Variants in TFIP11 observed in about 807,000 individuals in gnomAD.
TFIP11 encodes tuftelin-interacting protein 11.
In TFIP11, 86 loss-of-function variants were observed where a neutral mutation model predicts 96.8. That is an observed-to-expected ratio of 0.89 (90% CI 0.75 to 1.06). TFIP11 has a LOEUF of 1.06. Ranked by LOEUF, TFIP11 falls within the 50% of genes least tolerant of loss-of-function variation. The pLI, the probability that TFIP11 is intolerant of heterozygous loss-of-function variation, is 0.00. For missense variants in TFIP11, 881 were observed against 1,076.7 expected, an observed-to-expected ratio of 0.82 and a Z score of 2.54; for synonymous variants, 405 against 395.2, an observed-to-expected ratio of 1.02 and a Z score of -0.29.
chr22:26,509,549 T>C (rs949195998), intron 4 of TFIP11, among the ~76,000 whole-genome samples: 1 of 152,112 alleles, frequency 6.6e-6, no homozygotes, highest in African/African-American at 2.4e-5. Flanking sequence ...AATCGCTCAA[T>C]AAACACTGAT....
At chr22:26,492,855 C>A in intron 14 of TFIP11, 1 of 163,792 alleles carries the variant, frequency 6.1e-6, no homozygotes. Flanking sequence ...AAGGATAATA[C>A]CAAGACCATA....
Position 26,492,086 on chromosome 22 carries a change from C to G in TFIP11, c.2441G>C (p.Gly814Ala). ...CTTCTCGCCCTGGACAAAGACCACT[C>G]CCCGGTCGATGTAGATCACAATGCG... ...FGRIVIYIDR[G>A]VVFVQGEKTW... Residue 814 changes from glycine to alanine, a missense_variant, in exon 15 of 15, where the codon GGA becomes GCA. Gly to Ala is a moderately conservative substitution (Grantham distance 60). Transcript: ENST00000407690. The G allele has an allele frequency of 2.5e-6, 4 of 1,613,482 alleles. No homozygotes were observed. The highest frequency in any genetic ancestry group is 3.4e-6 in the Non-Finnish European group (4 of 1,179,732).
chr22:26,495,976 A>G (rs1921969609), intron 12 of TFIP11, 97 bp downstream of exon 12: 1 of 1,508,442 alleles, frequency 6.6e-7, no homozygotes, highest in Non-Finnish European at 8.9e-7. Flanking sequence ...AAGCACTTTC[A>G]TGAACATAAA....
Position 26,491,655 on chromosome 22 carries a change from C to A in TFIP11, c.*358G>T. ...AATCATCAGGAACAAGAGAGAAGATCCTTCTGCTACTGACTGAACTCGTTG... is the reference window on the plus strand; with the variant it reads ...AATCATCAGGAACAAGAGAGAAGATACTTCTGCTACTGACTGAACTCGTTG... On this transcript the variant is annotated 3_prime_UTR_variant, in exon 15 of 15. Transcript: ENST00000407690. 6.2e-7 allele frequency: 1 copy of A among 1,611,350 alleles called. No homozygotes were observed. Among genetic ancestry groups the A allele is most frequent in the East Asian group, 2.2e-5 (1 of 44,888 alleles).
intron 6 of TFIP11, among the ~76,000 whole-genome samples, chr22:26,504,503 G>A (rs928075717): frequency 6.6e-6 from 1 of 151,940 alleles, no homozygotes; most frequent in East Asian, 1.9e-4. Context: ...GGGCAACATA[G>A]TAAGACCCCA....
chr22:26,507,645 AAG>A (rs1923582803), intron 4 of TFIP11, among the ~76,000 whole-genome samples: 1 of 151,296 alleles, frequency 6.6e-6, no homozygotes, highest in African/African-American at 2.4e-5. Context: ...AAAAAAAAAA[AAG>A]AAAAGAAAAT....
At chr22:26,494,336 G>A (rs767537316) in intron 13 of TFIP11, 32 bp from the exon 14 acceptor site, 15 of 1,613,984 alleles carry the variant, frequency 9.3e-6, no homozygotes, top group East Asian at 2.2e-5. Flanking sequence ...TGCATCCATC[G>A]TGGCAACAAA....
chr22:26,496,463 C>T, intron 11 of TFIP11, 147 bp from the exon 12 acceptor site: 1 of 1,157,810 alleles, frequency 8.6e-7, no homozygotes, highest in Non-Finnish European at 1.2e-6. Flanking sequence ...AACAAATATG[C>T]CCATCCATTT....
rs570441123 is a variant in TFIP11 at position 26,498,839 on chromosome 22, T to C, written c.1436+30A>G. 51 of 1,580,908 alleles carry C rather than the reference T, an allele frequency of 3.2e-5. 2 individuals carry two copies. In the East Asian group the frequency reaches 6.3e-4, roughly 19 times the overall value. On this transcript the variant is annotated intron_variant, in intron 10 of 14. Transcript: ENST00000407690. ...TCCCAACCCCCCAGGAGAAAGGAGCTGGGGTACAGAGCCCTGCTCTGTGGT... is the reference window on the plus strand; with the variant it reads ...TCCCAACCCCCCAGGAGAAAGGAGCCGGGGTACAGAGCCCTGCTCTGTGGT...
intron 10 of TFIP11, among the ~76,000 whole-genome samples, chr22:26,497,841 A>G (rs999609337): frequency 1.4e-5 from 2 of 142,930 alleles, no homozygotes; most frequent in African/African-American, 5.2e-5. Flanking sequence ...GTGCCACTGC[A>G]CTCCAGCCTG....
rs1922882716 is a variant in TFIP11 at position 26,502,174 on chromosome 22, A to G, written c.649-122T>C. ...TCTTAGATTTATTTACAAGCTCTAT[A>G]TGAAGGAAGGAAAGGATGCACCTGC... On this transcript the variant is annotated intron_variant, in intron 7 of 14. Transcript: ENST00000407690. The G allele has an allele frequency of 5.6e-6, 7 of 1,261,214 alleles. No individual in the cohort carries two copies. In the East Asian group the frequency reaches 9.4e-5, roughly 17 times the overall value. 78.1% of individuals were successfully genotyped at this position (1,261,214 alleles called of 1,614,324 possible). A position where few individuals can be genotyped will look rare whatever the true frequency, so the allele number is the denominator to read the frequency against.
chr22:26,497,612 T>TCA (rs1321995168), intron 10 of TFIP11, among the ~76,000 whole-genome samples: 8 of 152,208 alleles, frequency 5.3e-5, no homozygotes, highest in African/African-American at 1.4e-4. Context: ...GCACGGAGGC[T>TCA]CACGCCTGTA....
chr22:26,494,062 C>G, intron 14 of TFIP11, 77 bp downstream of exon 14: 1 of 1,545,308 alleles, frequency 6.5e-7, no homozygotes, highest in Non-Finnish European at 8.8e-7. Context: ...AACCAGAAAA[C>G]TCTGATTCTG....
At chr22:26,511,980 T>A (rs574571668) in intron 2 of TFIP11, 119 bp downstream of exon 2, 1 of 152,342 alleles carries the variant, frequency 6.6e-6, no homozygotes, top group East Asian at 1.9e-4. Flanking sequence ...GCTAGGTACA[T>A]GCTGGTCGCT....
rs2147114434 is a variant in TFIP11 at position 26,492,010 on chromosome 22, A to G, written c.*3T>C. Reference sequence around the variant, plus strand: ...CTCTGACTGGTTCTGGACCTGCCACAGTTCACTTGGCCATGTCGATCAGGC... The same window carrying G: ...CTCTGACTGGTTCTGGACCTGCCACGGTTCACTTGGCCATGTCGATCAGGC... On this transcript the variant is annotated 3_prime_UTR_variant, in exon 15 of 15. Coordinates refer to ENST00000407690, the MANE Select transcript of TFIP11 (RefSeq NM_012143.4). 6.3e-7 allele frequency: 1 copy of G among 1,587,256 alleles called. No individual in the cohort carries two copies. Among genetic ancestry groups the G allele is most frequent in the Non-Finnish European group, 8.6e-7 (1 of 1,166,622 alleles).
chr22:26,504,844 G>C (rs1467947911), intron 6 of TFIP11, among the ~76,000 whole-genome samples: 6 of 152,162 alleles, frequency 3.9e-5, no homozygotes, highest in Admixed American at 1.3e-4. Context: ...GGGAGGCCGA[G>C]GAGGATGGAT....
Position 26,512,089 on chromosome 22 carries a change from A to G in TFIP11, c.-96+10T>C, listed in dbSNP as rs1360877764. ...AAGAAAAAGGAGGTTCAGAGAAGTT[A>G]GTAACTTACCCTAGGTTCCACTGCT... On this transcript the variant is annotated intron_variant, in intron 2 of 14. Coordinates refer to ENST00000407690, the MANE Select transcript of TFIP11 (RefSeq NM_012143.4). 6.6e-6 allele frequency: 1 copy of G among 152,228 alleles called. No individual in the cohort carries two copies. Among genetic ancestry groups the G allele is most frequent in the Non-Finnish European group, 1.5e-5 (1 of 68,056 alleles). The allele number at this position is 152,228 out of a possible 1,614,324, so 9.4% of individuals were successfully genotyped here. A position where few individuals can be genotyped will look rare whatever the true frequency, so the allele number is the denominator to read the frequency against.
chr22:26,497,027 G>C, intron 10 of TFIP11, 138 bp from the exon 11 acceptor site: 6 of 1,033,134 alleles, frequency 5.8e-6, no homozygotes, highest in Non-Finnish European at 8.4e-6. Flanking sequence ...CATCAGGCCA[G>C]TCACCATACT....
intron 8 of TFIP11, among the ~76,000 whole-genome samples, chr22:26,500,046 T>C (rs1318397388): frequency 6.6e-6 from 1 of 152,238 alleles, no homozygotes; most frequent in Admixed American, 6.5e-5. Context: ...CTAGGATGTA[T>C]AACAAGATGT....
Sources: gnomAD v4.1 joint callset for allele counts (sites outside exome capture counted in the v4.1 genomes callset) on GRCh38, gnomAD v4.1.1 for gene constraint, MANE v1.5 for transcripts, NCBI Gene and HGNC (gene_info 2026-07-23, HGNC 2026-07-21) for gene names.